Variants in RCC2 observed in about 807,000 individuals in gnomAD.
The protein encoded by RCC2 is regulator of chromosome condensation 2.
A neutral mutation model predicts 64.1 loss-of-function variants in RCC2; 19 were observed. The ratio of observed to expected loss-of-function variants is 0.30; its 90% confidence interval spans 0.21 to 0.44. RCC2 has a LOEUF of 0.44. Among genes scored for constraint, RCC2 ranks in the 20% least tolerant of loss-of-function variants. The pLI is 1.00. For synonymous variants in RCC2, 325 were observed against 279.6 expected (o/e 1.16, Z -1.62); for missense variants, 508 against 710.4 (o/e 0.72, Z 3.24).
chr1:17,432,140 G>A (rs903807292), intron 2 of RCC2, among the ~76,000 whole-genome samples: 2 of 152,150 alleles, frequency 1.3e-5, no homozygotes, highest in African/African-American at 4.8e-5. Flanking sequence ...CACGGAAAGG[G>A]AGAACAACTT....
At chr1:17,409,306 G>A (rs1197572011) in intron 12 of RCC2, 112 bp from the exon 13 acceptor site, 3 of 734,260 alleles carry the variant, frequency 4.1e-6, no homozygotes, top group Non-Finnish European at 4.8e-6. Flanking sequence ...GAAAAACAGA[G>A]TGCCCTTGAA....
chr1:17,420,221 A>C (rs544501815), intron 7 of RCC2, among the ~76,000 whole-genome samples: 1 of 152,292 alleles, frequency 6.6e-6, no homozygotes, highest in Non-Finnish European at 1.5e-5. Context: ...CACCAATGAG[A>C]TCGAAGAAAC....
At chr1:17,426,721 C>G (rs926914546) in intron 3 of RCC2, among the ~76,000 whole-genome samples, 1 of 152,040 alleles carries the variant, frequency 6.6e-6, no homozygotes, top group Non-Finnish European at 1.5e-5. Context: ...CCCTTCACAC[C>G]CTATTAGAGG....
intron 2 of RCC2, among the ~76,000 whole-genome samples, chr1:17,431,825 C>T (rs1256848715): frequency 2.0e-5 from 3 of 151,876 alleles, no homozygotes; most frequent in Admixed American, 6.6e-5. Flanking sequence ...AGGCCAGCCG[C>T]GGTAGCTCAT....
intron 8 of RCC2, among the ~76,000 whole-genome samples, chr1:17,415,931 T>C (rs1003880328): frequency 3.3e-5 from 5 of 151,334 alleles, no homozygotes; most frequent in African/African-American, 1.2e-4. Context: ...AGCCGGGGCA[T>C]GGTGGCGCAT....
intron 3 of RCC2, among the ~76,000 whole-genome samples, chr1:17,426,137 A>G (rs2075613697): frequency 6.6e-6 from 1 of 151,734 alleles, no homozygotes; most frequent in South Asian, 2.1e-4. Flanking sequence ...ACAGTAACCT[A>G]CCCCTCCTCC....
intron 2 of RCC2, among the ~76,000 whole-genome samples, chr1:17,430,591 G>A (rs187702322): frequency 1.8e-3 from 267 of 152,044 alleles, no homozygotes; most frequent in Non-Finnish European, 2.7e-3. Flanking sequence ...TTCAAGACCA[G>A]CCTGGCCAAT....
At chr1:17,428,797 A>G (rs945434843) in intron 3 of RCC2, among the ~76,000 whole-genome samples, 5 of 152,358 alleles carry the variant, frequency 3.3e-5, no homozygotes, top group Non-Finnish European at 5.9e-5. Flanking sequence ...TGGTCTCTTC[A>G]TTTTAATGAA....
intron 8 of RCC2, among the ~76,000 whole-genome samples, chr1:17,414,679 T>A (rs2100357703): frequency 6.6e-6 from 1 of 151,814 alleles, no homozygotes; most frequent in East Asian, 1.9e-4. Flanking sequence ...TTACCTAGGC[T>A]GGAATGCAAT....
At chr1:17,411,767 C>T (rs2100352700) in intron 11 of RCC2, among the ~76,000 whole-genome samples, 3 of 152,272 alleles carry the variant, frequency 2.0e-5, no homozygotes, top group Admixed American at 2.0e-4. Context: ...CCTCAAATCA[C>T]CCACAACTGT....
intron 8 of RCC2, among the ~76,000 whole-genome samples, chr1:17,415,996 G>A (rs1419425204): frequency 6.7e-6 from 1 of 149,238 alleles, no homozygotes; most frequent in Non-Finnish European, 1.5e-5. Flanking sequence ...TTGAACCTGG[G>A]AGGTGGAAGC....
rs1461235964 is a variant in RCC2 at position 17,410,113 on chromosome 1, A to C, written c.1387-62T>G. On this transcript the variant is annotated intron_variant, in intron 11 of 12. Coordinates refer to ENST00000375436, the MANE Select transcript of RCC2 (RefSeq NM_018715.4). ...CATGTGGCTCAGTCCACAAGTGGGG[A>C]ATCACGGCAACATTTCCTGGCCCCC... is the stretch of plus-strand genomic sequence containing the variant. The C allele has an allele frequency of 4.8e-6, 7 of 1,451,814 alleles. No homozygotes were observed. In the East Asian group the frequency reaches 9.2e-5, roughly 19 times the overall value. 89.9% of individuals were successfully genotyped at this position (1,451,814 alleles called of 1,614,324 possible).
intron 3 of RCC2, among the ~76,000 whole-genome samples, chr1:17,428,294 C>G (rs752711858): frequency 2.0e-4 from 30 of 152,244 alleles, no homozygotes; most frequent in African/African-American, 7.0e-4. Context: ...GACGTGGCCC[C>G]CTCTGGCTTG....
rs182750941 is a variant in RCC2, at chr1:17,422,757, G to A, written c.603C>T (p.His201=). The A allele has an allele frequency of 5.6e-5, 91 of 1,614,110 alleles. No homozygotes were observed. In the East Asian group the frequency reaches 1.4e-3, roughly 25 times the overall value. Residue 201 remains histidine, a synonymous_variant, in exon 5 of 13, where the codon CAC becomes CAT. Coordinates refer to ENST00000375436, the MANE Select transcript of RCC2 (RefSeq NM_018715.4). Reference sequence around the variant, plus strand: ...CACATGCTGCAGACACAATCACTTCGTGGCTAAGACCCTCGATGAGTCTAG... The same window carrying A: ...CACATGCTGCAGACACAATCACTTCATGGCTAAGACCCTCGATGAGTCTAG... ...EAPRLIEGLS[H]EVIVSAACGR... is the part of the protein sequence containing the mutation.
rs2075397658 is a variant in RCC2 at position 17,409,125 on chromosome 1, TG to T, written c.1533del (p.Lys512ArgfsTer63). 2 of 1,614,096 alleles carry T rather than the reference TG, an allele frequency of 1.2e-6. No homozygotes were observed. The highest frequency in any genetic ancestry group is 1.7e-6 in the Non-Finnish European group (2 of 1,179,954). ...CGGGGGTTGTATTCTGGCAGTTTCT[TG>T]ATCTTCTCTTTCTCAGTCTCACTTT... ...RDESETEKEK[I>X]KKLPEYNPRT... is the part of the protein sequence containing the mutation. On this transcript the variant is annotated frameshift_variant, in exon 13 of 13. Transcript: ENST00000375436. LOFTEE classifies it high-confidence loss of function.
chr1:17,431,498 TCA>T (rs1491459978), intron 2 of RCC2, among the ~76,000 whole-genome samples: 1 of 24,200 alleles, frequency 4.1e-5, no homozygotes, highest in South Asian at 1.8e-3. Context: ...CAGCCCTGTC[TCA>T]AAAAAAAAAA....
At chr1:17,425,373 G>A (rs537006703) in intron 4 of RCC2, among the ~76,000 whole-genome samples, 168 bp downstream of exon 4, 24 of 152,272 alleles carry the variant, frequency 1.6e-4, no homozygotes, top group African/African-American at 5.1e-4. Context: ...TGCATGTAGC[G>A]TGTAGACAAG....
intron 10 of RCC2, 104 bp from the exon 11 acceptor site, chr1:17,412,298 G>C: frequency 1.0e-6 from 1 of 996,020 alleles, no homozygotes; most frequent in East Asian, 2.5e-5. Flanking sequence ...TTCCCTTGGC[G>C]TACTCATTCC....
In RCC2 at chr1:17,438,328, G is replaced by A. The variant is rs990588396; in HGVS notation, c.187C>T (p.Pro63Ser). Residue 63 changes from proline to serine, a missense_variant, in exon 2 of 13, where the codon CCC becomes TCC. Transcript: ENST00000375436. Reference sequence around the variant, plus strand: ...CGCGCCGCGCGCTTGCCCCCGCCGGGGGCCCCGTCGAGCTCCAGGCCGTCC... The same window carrying A: ...CGCGCCGCGCGCTTGCCCCCGCCGGAGGCCCCGTCGAGCTCCAGGCCGTCC... ...DEDGLELDGA[P>S]GGGKRAARPA... The A allele has an allele frequency of 2.4e-6, 3 of 1,245,622 alleles. No homozygotes were observed. Among genetic ancestry groups the A allele is most frequent in the Admixed American group, 4.4e-5 (1 of 22,690 alleles). The allele number at this position is 1,245,622 out of a possible 1,614,324, so 77.2% of individuals were successfully genotyped here.
Sources: allele counts gnomAD v4.1 joint callset (sites outside exome capture counted in the v4.1 genomes callset), GRCh38; gene constraint gnomAD v4.1.1; transcripts MANE v1.5; gene names NCBI Gene and HGNC (gene_info 2026-07-23, HGNC 2026-07-21).